The following CFTR variants were observed in gnomAD, a reference collection of about 807,000 sequenced individuals.
CFTR encodes CF transmembrane conductance regulator, also known as cystic fibrosis transmembrane conductance regulator.
A neutral mutation model predicts 171.6 loss-of-function variants in CFTR; 181 were observed. That is an observed-to-expected ratio of 1.05 (90% confidence interval 0.93 to 1.19). The LOEUF (loss-of-function observed/expected upper bound fraction) is 1.19, where lower values mean the gene tolerates loss of function less well. CFTR is among the 50% of genes most tolerant of loss of function. The pLI is 0.00. For missense variants in CFTR, 1,968 were observed against 1,734.7 expected, an observed-to-expected ratio of 1.13 and a Z score of -2.39; for synonymous variants, 583 against 608.0, an observed-to-expected ratio of 0.96 and a Z score of 0.60.
At chr7:117,585,762 C>T (rs535020095) in intron 11 of CFTR, among the ~76,000 whole-genome samples, 44 of 152,276 alleles carry the variant, frequency 2.9e-4, no homozygotes, top group African/African-American at 8.9e-4. Flanking sequence ...CTCCCTCACC[C>T]TCCTGAGTAG....
intron 15 of CFTR, among the ~76,000 whole-genome samples, chr7:117,600,100 C>T (rs1387499716): frequency 6.6e-6 from 1 of 151,590 alleles, no homozygotes; most frequent in Non-Finnish European, 1.5e-5. Context: ...AATATGTAGT[C>T]TTTTAAAAAA....
Position 117,535,329 on chromosome 7 carries a change from G to A in CFTR, c.661G>A (p.Ala221Thr). The A allele has an allele frequency of 1.2e-6, 2 of 1,614,086 alleles. No homozygotes were observed. Among genetic ancestry groups the A allele is most frequent in the Non-Finnish European group, 8.5e-7 (1 of 1,179,978 alleles). ...LMGLIWELLQ[A>T]SAFCGLGFLI... ...GGGGCTAATCTGGGAGTTGTTACAGGCGTCTGCCTTCTGTGGACTTGGTTT... is the reference window on the plus strand; with the variant it reads ...GGGGCTAATCTGGGAGTTGTTACAGACGTCTGCCTTCTGTGGACTTGGTTT... The change falls in exon 6 of 27, where the codon GCG becomes ACG. Residue 221 changes from alanine (A) to threonine (T), a missense_variant. By Grantham distance (58) the Ala-to-Thr change is moderately conservative. Coordinates refer to ENST00000003084, the MANE Select transcript of CFTR (RefSeq NM_000492.4).
At chr7:117,584,674 G>T (rs1002997297) in intron 11 of CFTR, among the ~76,000 whole-genome samples, 3 of 151,960 alleles carry the variant, frequency 2.0e-5, no homozygotes, top group Non-Finnish European at 4.4e-5. Context: ...AGTTCCCTAT[G>T]AATTTTAGGA....
intron 1 of CFTR, among the ~76,000 whole-genome samples, chr7:117,491,545 A>T (rs1798159990): frequency 6.6e-6 from 1 of 152,034 alleles, no homozygotes; most frequent in Admixed American, 6.6e-5. Flanking sequence ...AGTCTATTCC[A>T]TGCCTTTCCC....
chr7:117,504,252 G>A lies in CFTR; in HGVS notation c.54-1G>A. The A allele has an allele frequency of 1.3e-6, 2 of 1,575,298 alleles. No individual in the cohort carries two copies. Among genetic ancestry groups the A allele is most frequent in the Non-Finnish European group, 1.7e-6 (2 of 1,144,788 alleles). ...ATCTGTTCCTCCTCTCTTTATTTTAGCTGGACCAGACCAATTTTGAGGAAA... is the reference window on the plus strand; with the variant it reads ...ATCTGTTCCTCCTCTCTTTATTTTAACTGGACCAGACCAATTTTGAGGAAA... On this transcript the variant is annotated splice_acceptor_variant, in intron 1 of 26. Coordinates refer to ENST00000003084, the MANE Select transcript of CFTR (RefSeq NM_000492.4). LOFTEE classifies it high-confidence loss of function.
intron 12 of CFTR, among the ~76,000 whole-genome samples, chr7:117,588,588 C>G (rs1327820276): frequency 3.9e-5 from 6 of 152,096 alleles, no homozygotes; most frequent in Non-Finnish European, 7.4e-5. Context: ...TGGCTCCTTT[C>G]CCTTACTTTC....
chr7:117,487,925 T>G (rs1798099788), intron 1 of CFTR: 1 of 152,180 alleles, frequency 6.6e-6, no homozygotes, highest in African/African-American at 2.4e-5. Context: ...ATGAAGCCTA[T>G]GTTGGCTGGG....
chr7:117,554,177 G>A (rs1254904204), intron 10 of CFTR, among the ~76,000 whole-genome samples: 1 of 152,184 alleles, frequency 6.6e-6, no homozygotes, highest in East Asian at 1.9e-4. Context: ...AGACAAGGGA[G>A]GAAGCAAGGA....
intron 2 of CFTR, among the ~76,000 whole-genome samples, chr7:117,505,789 C>T (rs1326251433): frequency 3.9e-5 from 6 of 152,136 alleles, no homozygotes; most frequent in Non-Finnish European, 7.4e-5. Context: ...AGTTGACTTG[C>T]AATTTGTTTC....
chr7:117,624,745 C>T (rs1303778157), intron 21 of CFTR, among the ~76,000 whole-genome samples: 1 of 152,124 alleles, frequency 6.6e-6, no homozygotes, highest in Admixed American at 6.6e-5. Context: ...TAATTTTTGT[C>T]TATGGCTACT....
chr7:117,490,861 C>T (rs36082161), intron 1 of CFTR, among the ~76,000 whole-genome samples: 5,742 of 152,168 alleles, frequency 0.038, 148 homozygotes, highest in Middle Eastern at 0.068. Flanking sequence ...AGTGCTTTCT[C>T]TGAATTATGA....
chr7:117,568,452 G>C (rs986720662), intron 11 of CFTR, among the ~76,000 whole-genome samples: 1 of 152,072 alleles, frequency 6.6e-6, no homozygotes, highest in African/African-American at 2.4e-5. Flanking sequence ...TGACTTGCCA[G>C]GTAGGAAGGA....
intron 6 of CFTR, among the ~76,000 whole-genome samples, chr7:117,535,737 T>A (rs35403869): frequency 0.18 from 26,714 of 151,900 alleles, 2,602 homozygotes; most frequent in Non-Finnish European, 0.21. Context: ...TTTCACCAGG[T>A]TGCCCAGGCT....
rs137854874 is a variant in CFTR, at chr7:117,614,829, T to C, written c.3468+116T>C. 36 of 718,704 alleles carry C rather than the reference T, an allele frequency of 5.0e-5. No individual in the cohort carries two copies. In the African/African-American group the frequency reaches 6.3e-4, roughly 13 times the overall value. 44.5% of individuals were successfully genotyped at this position (718,704 alleles called of 1,614,324 possible). On this transcript the variant is annotated intron_variant, in intron 21 of 26. Transcript: ENST00000003084. ...ATATTGAGCTTAAGAAATAAAACAT[T>C]ACAGATAAATTGAGGGTCACTGTGT...
intron 22 of CFTR, among the ~76,000 whole-genome samples, chr7:117,634,402 A>C (rs1792795543): frequency 6.6e-6 from 1 of 151,994 alleles, no homozygotes; most frequent in Admixed American, 6.6e-5. Context: ...GGCTAGAGAT[A>C]TCTCTATTTT....
At chr7:117,628,992 C>T (rs1333233662) in intron 22 of CFTR, among the ~76,000 whole-genome samples, 4 of 152,082 alleles carry the variant, frequency 2.6e-5, no homozygotes, top group Non-Finnish European at 5.9e-5. Flanking sequence ...CATCCTGCCA[C>T]CCCTTTGCTT....
intron 1 of CFTR, among the ~76,000 whole-genome samples, chr7:117,491,402 G>T (rs1366696075): frequency 6.6e-6 from 1 of 152,004 alleles, no homozygotes; most frequent in African/African-American, 2.4e-5. Flanking sequence ...GTATTAGTTT[G>T]CTAGGGCTAC....
intron 10 of CFTR, among the ~76,000 whole-genome samples, chr7:117,553,713 T>C (rs1040799510): frequency 6.6e-6 from 1 of 152,204 alleles, no homozygotes; most frequent in African/African-American, 2.4e-5. Flanking sequence ...TATAAAGTGA[T>C]CCTAGAATCA....
Position 117,652,920 on chromosome 7 carries a change from G to A in CFTR, c.3952G>A (p.Val1318Ile), listed in dbSNP as rs1232031163. The change falls in exon 24 of 27, where the codon GTT (valine) becomes ATT (isoleucine). Residue 1318 changes from valine (V) to isoleucine (I), a missense_variant. Physicochemically the swap from Val to Ile is conservative, Grantham distance 29. Transcript: ENST00000003084. ...GTGGAGTGATCAAGAAATATGGAAA[G>A]TTGCAGATGAGGTAAGGCTGCTAAC... is the stretch of plus-strand genomic sequence containing the variant. ...EQWSDQEIWK[V>I]ADEVGLRSVI... is the part of the protein sequence containing the mutation. 2 of 1,599,198 alleles carry A rather than the reference G, an allele frequency of 1.3e-6. No homozygotes were observed. The highest frequency in any genetic ancestry group is 1.1e-5 in the South Asian group (1 of 90,744).
Sources: allele counts gnomAD v4.1 joint callset (sites outside exome capture counted in the v4.1 genomes callset), GRCh38; gene constraint gnomAD v4.1.1; transcripts MANE v1.5; gene names NCBI Gene and HGNC (gene_info 2026-07-23, HGNC 2026-07-21).